The following TDRD9 variants were observed in gnomAD, a reference collection of about 807,000 sequenced individuals.
The protein encoded by TDRD9 is tudor domain containing 9.
A neutral mutation model predicts 172.6 loss-of-function variants in TDRD9; 124 were observed. That is an observed-to-expected ratio of 0.72 (90% CI 0.62 to 0.83). TDRD9 has a LOEUF of 0.83. Among genes scored for constraint, TDRD9 ranks in the 40% least tolerant of loss-of-function variants. The pLI is 0.00. For synonymous variants in TDRD9, 619 were observed against 617.1 expected (o/e 1.00, Z -0.05); for missense variants, 1,479 against 1,714.1 (o/e 0.86, Z 2.42).
intron 3 of TDRD9, among the ~76,000 whole-genome samples, chr14:103,964,586 G>A (rs775141272): frequency 6.6e-6 from 1 of 152,092 alleles, no homozygotes; most frequent in Non-Finnish European, 1.5e-5. Flanking sequence ...GAGTGCAGTG[G>A]CACGATCTTG....
chr14:104,047,582 C>T (rs774028290), intron 34 of TDRD9, among the ~76,000 whole-genome samples: 7 of 152,126 alleles, frequency 4.6e-5, no homozygotes, highest in East Asian at 1.9e-4. Context: ...GCCTCGTGCC[C>T]GCTCTCTTCT....
At chr14:103,963,228 G>T in intron 3 of TDRD9, 52 bp downstream of exon 3, 2 of 1,291,152 alleles carry the variant, frequency 1.5e-6, no homozygotes. Context: ...CATGTCTGAG[G>T]CCCAATACTT....
chr14:103,978,286 T>G (rs574488259), intron 7 of TDRD9, among the ~76,000 whole-genome samples: 1 of 152,236 alleles, frequency 6.6e-6, no homozygotes, highest in East Asian at 1.9e-4. Context: ...TAGTATAAAT[T>G]CTTCCAATTC....
chr14:104,005,197 T>C (rs1595975419), intron 14 of TDRD9, 77 bp from the exon 15 acceptor site: 1 of 1,498,086 alleles, frequency 6.7e-7, no homozygotes, highest in African/African-American at 1.4e-5. Context: ...TCTTTCCCTC[T>C]GAAGCACTGG....
intron 22 of TDRD9, among the ~76,000 whole-genome samples, chr14:104,016,714 G>T (rs2034804319): frequency 6.6e-6 from 1 of 152,216 alleles, no homozygotes; most frequent in Non-Finnish European, 1.5e-5. Flanking sequence ...ACTCACACTG[G>T]AAGAAAGCTG....
intron 24 of TDRD9, among the ~76,000 whole-genome samples, chr14:104,024,052 A>G (rs1350385754): frequency 6.6e-6 from 1 of 152,234 alleles, no homozygotes; most frequent in East Asian, 1.9e-4. Flanking sequence ...TTTGTATTCC[A>G]GAAGTTTAGC....
intron 6 of TDRD9, among the ~76,000 whole-genome samples, chr14:103,974,153 C>T (rs561867236): frequency 2.6e-5 from 4 of 152,298 alleles, no homozygotes; most frequent in Non-Finnish European, 5.9e-5. Flanking sequence ...AGTGAGCTGA[C>T]ATCACACCAC....
intron 34 of TDRD9, among the ~76,000 whole-genome samples, chr14:104,042,682 A>G (rs1237282186): frequency 6.6e-6 from 1 of 152,142 alleles, no homozygotes; most frequent in South Asian, 2.1e-4. Flanking sequence ...AGGCAGCTTG[A>G]GGGCCCCGGG....
intron 32 of TDRD9, among the ~76,000 whole-genome samples, chr14:104,037,703 T>C (rs2368997): frequency 0.94 from 143,614 of 152,256 alleles, 68,291 homozygotes; most frequent in East Asian, 1. Context: ...ATTTGTCTCC[T>C]CTCCTTTGTT....
At chr14:103,956,983 C>T (rs146273668) in intron 2 of TDRD9, among the ~76,000 whole-genome samples, 3 of 152,250 alleles carry the variant, frequency 2.0e-5, no homozygotes, top group Non-Finnish European at 1.5e-5. Flanking sequence ...TGCTCAGAGT[C>T]GGGCACAAAT....
chr14:103,968,669 G>A (rs905587189), intron 5 of TDRD9, among the ~76,000 whole-genome samples: 27 of 142,930 alleles, frequency 1.9e-4, no homozygotes, highest in East Asian at 1.1e-3. Flanking sequence ...GGTGGCGGGC[G>A]CCTGTAGTCC....
intron 8 of TDRD9, among the ~76,000 whole-genome samples, chr14:103,987,542 C>T (rs2152190770): frequency 6.6e-6 from 1 of 152,152 alleles, no homozygotes; most frequent in South Asian, 2.1e-4. Context: ...GTTTAATTTG[C>T]ACATATTTGT....
At chr14:103,988,154 G>T (rs537004741) in intron 8 of TDRD9, among the ~76,000 whole-genome samples, 92 of 151,176 alleles carry the variant, frequency 6.1e-4, no homozygotes, top group African/African-American at 2.2e-3. Context: ...TGTATCTCCT[G>T]TAGACAACAT....
In TDRD9 at chr14:103,994,630, A is replaced by C. The variant is rs199534684; in HGVS notation, c.1320+27A>C. ...TAGGAAAACTGGGAAGACAAGTTCT[A>C]AGCACTTTAGGTAAATTTTCCTTAG... is the stretch of plus-strand genomic sequence containing the variant. On this transcript the variant is annotated intron_variant, in intron 11 of 35. Coordinates refer to ENST00000409874, the MANE Select transcript of TDRD9 (RefSeq NM_153046.3). 82 of 1,587,854 alleles carry C rather than the reference A, an allele frequency of 5.2e-5. No individual in the cohort carries two copies. In the East Asian group the frequency reaches 1.7e-3, roughly 33 times the overall value.
intron 13 of TDRD9, among the ~76,000 whole-genome samples, chr14:104,002,488 A>G (rs2034295156): frequency 6.6e-6 from 1 of 152,174 alleles, no homozygotes; most frequent in Non-Finnish European, 1.5e-5. Context: ...AGTGACGTGT[A>G]GAAAATGGAA....
At chr14:104,048,286 T>C (rs889962531) in intron 34 of TDRD9, among the ~76,000 whole-genome samples, 4 of 152,236 alleles carry the variant, frequency 2.6e-5, no homozygotes, top group Admixed American at 1.3e-4. Flanking sequence ...TTGCCTAAGC[T>C]GGAGTGCAGT....
At position 104,006,705 on chromosome 14, in the gene TDRD9, T is replaced by C. The variant is rs753416790; in HGVS notation, c.1939T>C (p.Tyr647His). 6.2e-7 allele frequency: 1 copy of C among 1,613,976 alleles called. No homozygotes were observed. The highest frequency in any genetic ancestry group is 2.2e-5 in the East Asian group (1 of 44,878). The change falls in exon 17 of 36, where the codon TAT becomes CAT. Residue 647 changes from tyrosine to histidine, a missense_variant. Coordinates refer to ENST00000409874, the MANE Select transcript of TDRD9 (RefSeq NM_153046.3). ...GCCTTTCCGGCAGCATCTCGATGGATATAGGTACTGAACATTCATATTTTA... is the reference window on the plus strand; with the variant it reads ...GCCTTTCCGGCAGCATCTCGATGGACATAGGTACTGAACATTCATATTTTA... ...AMPFRQHLDG[Y>H]RNKVNFSGSS...
intron 25 of TDRD9, 68 bp downstream of exon 25, chr14:104,024,748 TTACACACACACA>T: frequency 1.6e-6 from 1 of 642,718 alleles, no homozygotes; most frequent in African/African-American, 3.0e-5. Flanking sequence ...TACAGGAAGT[TTACACACACACA>T]CACACACACA....
chr14:103,938,440 A>ATATTTT (rs1334417901), intron 1 of TDRD9, among the ~76,000 whole-genome samples: 1 of 44,548 alleles, frequency 2.2e-5, no homozygotes, highest in African/African-American at 9.2e-5. Context: ...ATATATATAT[A>ATATTTT]TTTTTTTTTT....
Sources: gnomAD v4.1 joint callset for allele counts (sites outside exome capture counted in the v4.1 genomes callset) on GRCh38, gnomAD v4.1.1 for gene constraint, MANE v1.5 for transcripts, NCBI Gene and HGNC (gene_info 2026-07-23, HGNC 2026-07-21) for gene names.